SRRM4: variants seen among roughly 807,000 people sequenced by gnomAD.
The protein encoded by SRRM4 is serine/arginine repetitive matrix protein 4.
In SRRM4, 33 loss-of-function variants were observed where a neutral mutation model predicts 68.9. The ratio of observed to expected loss-of-function variants is 0.48; its 90% confidence interval spans 0.36 to 0.64. SRRM4 has a LOEUF of 0.64. Ranked by LOEUF, SRRM4 falls within the 30% of genes least tolerant of loss-of-function variation. The pLI is 0.00. For missense variants in SRRM4, 817 were observed against 827.1 expected, an observed-to-expected ratio of 0.99 and a Z score of 0.15; for synonymous variants, 318 against 318.8, an observed-to-expected ratio of 1.00 and a Z score of 0.03.
chr12:119,103,776 G>A (rs1954090761), intron 2 of SRRM4, among the ~76,000 whole-genome samples: 1 of 152,198 alleles, frequency 6.6e-6, no homozygotes, highest in Non-Finnish European at 1.5e-5. Flanking sequence ...GCCGAGGTGG[G>A]AGGATCACTT....
At chr12:119,075,398 A>G (rs1953901702) in intron 1 of SRRM4, among the ~76,000 whole-genome samples, 1 of 151,704 alleles carries the variant, frequency 6.6e-6, no homozygotes, top group African/African-American at 2.4e-5. Flanking sequence ...GATGATGATG[A>G]TGATGATAAT....
At position 118,981,692 on chromosome 12, in the gene SRRM4, G is replaced by C. The variant is rs1025806759; in HGVS notation, c.-191G>C. The stretch of plus-strand genomic sequence containing the variant: ...GAAGGGCGAAGAAAGCCCAGCGGAC[G>C]AGCCTCCTTTCTCTGCTGCCTGCCC... On this transcript the variant is annotated 5_prime_UTR_variant, in exon 1 of 13. Transcript: ENST00000267260. 1 of 613,174 alleles carries C rather than the reference G, an allele frequency of 1.6e-6. No individual in the cohort carries two copies. The highest frequency in any genetic ancestry group is 2.8e-6 in the Non-Finnish European group (1 of 360,490). The allele number at this position is 613,174 out of a possible 1,614,324, so 38.0% of individuals were successfully genotyped here.
intron 1 of SRRM4, among the ~76,000 whole-genome samples, chr12:119,068,992 G>A (rs753792604): frequency 3.9e-5 from 6 of 152,068 alleles, no homozygotes; most frequent in African/African-American, 7.2e-5. Context: ...TGCCTGTGTA[G>A]CTCCAGGGAA....
chr12:119,090,822 C>A (rs983321285), intron 1 of SRRM4, among the ~76,000 whole-genome samples: 7 of 152,142 alleles, frequency 4.6e-5, no homozygotes, highest in African/African-American at 1.7e-4. Flanking sequence ...TCTGATCTGG[C>A]AACAATGCAA....
At chr12:119,102,432 C>T (rs369480852) in intron 2 of SRRM4, 50 bp downstream of exon 2, 52 of 1,489,122 alleles carry the variant, frequency 3.5e-5, no homozygotes, top group Non-Finnish European at 4.4e-5. Flanking sequence ...ATAAAGTCTG[C>T]CTCTCTGGCC....
Position 119,153,612 on chromosome 12 carries a change from C to T in SRRM4, c.1354C>T (p.Arg452Cys). Residue 452 changes from arginine to cysteine, a missense_variant, in exon 11 of 13, where the codon CGC (arginine) becomes TGC (cysteine). By Grantham distance (180) the Arg-to-Cys change is radical (BLOSUM62 -3). Transcript: ENST00000267260. ...CCCGCCCAGCAGAAGCTCTAGGTCCCGCCGCAGCCCTAGCTACTCCCGCTA... is the reference window on the plus strand; with the variant it reads ...CCCGCCCAGCAGAAGCTCTAGGTCCTGCCGCAGCCCTAGCTACTCCCGCTA... ...RSPPSRSSRS[R>C]RSPSYSRYSP... The T allele has an allele frequency of 6.4e-7, 1 of 1,567,742 alleles. No individual in the cohort carries two copies. Among genetic ancestry groups the T allele is most frequent in the Non-Finnish European group, 8.6e-7 (1 of 1,157,550 alleles).
intron 1 of SRRM4, among the ~76,000 whole-genome samples, chr12:118,984,154 G>A (rs1394796428): frequency 1.3e-5 from 2 of 152,206 alleles, no homozygotes; most frequent in African/African-American, 4.8e-5. Context: ...CTCAGGAAAG[G>A]TTGGATTGGA....
At chr12:119,008,783 G>T (rs1953431074) in intron 1 of SRRM4, among the ~76,000 whole-genome samples, 1 of 152,038 alleles carries the variant, frequency 6.6e-6, no homozygotes, top group Non-Finnish European at 1.5e-5. Flanking sequence ...AGAGCCAACG[G>T]GCCGCCCCTT....
chr12:119,071,120 G>A (rs773073063), intron 1 of SRRM4, among the ~76,000 whole-genome samples: 1 of 152,190 alleles, frequency 6.6e-6, no homozygotes, highest in Non-Finnish European at 1.5e-5. Flanking sequence ...CACAAGCCTG[G>A]TAGCTTCTTT....
At chr12:119,049,555 G>A (rs542094337) in intron 1 of SRRM4, among the ~76,000 whole-genome samples, 3 of 152,308 alleles carry the variant, frequency 2.0e-5, no homozygotes, top group African/African-American at 7.2e-5. Context: ...GGGGCAGAGA[G>A]TAGCTTTAAG....
At chr12:119,065,800 CATGG>C (rs547539453) in intron 1 of SRRM4, among the ~76,000 whole-genome samples, 4 of 151,628 alleles carry the variant, frequency 2.6e-5, no homozygotes, top group South Asian at 2.1e-4. Context: ...TGAATGGATG[CATGG>C]ATGGATGGAT....
intron 8 of SRRM4, among the ~76,000 whole-genome samples, chr12:119,140,649 T>A (rs780645823): frequency 3.9e-5 from 6 of 152,180 alleles, no homozygotes; most frequent in Non-Finnish European, 5.9e-5. Context: ...TGAGCTCCCA[T>A]AGTAGCAGAG....
chr12:119,106,941 T>C (rs1035556836), intron 2 of SRRM4, among the ~76,000 whole-genome samples: 8 of 152,232 alleles, frequency 5.3e-5, no homozygotes, highest in Non-Finnish European at 1.2e-4. Context: ...ATATTGGCTG[T>C]GGGTTTGTCA....
chr12:119,096,266 C>A (rs1954044149), intron 1 of SRRM4, among the ~76,000 whole-genome samples: 1 of 151,302 alleles, frequency 6.6e-6, no homozygotes. Context: ...TCTTCCTGAC[C>A]TCGTAATCCG....
intron 1 of SRRM4, among the ~76,000 whole-genome samples, chr12:119,067,738 A>G (rs531760756): frequency 4.4e-4 from 67 of 152,240 alleles, no homozygotes; most frequent in Middle Eastern, 3.4e-3. Context: ...AAATAAAAAT[A>G]AAAATAAGAG....
At chr12:119,092,259 A>G (rs1459660266) in intron 1 of SRRM4, among the ~76,000 whole-genome samples, 1 of 152,142 alleles carries the variant, frequency 6.6e-6, no homozygotes, top group Non-Finnish European at 1.5e-5. Flanking sequence ...CAGAAGATCC[A>G]GTCTCCTGGC....
At chr12:119,153,941 A>G (rs1954455767) in intron 11 of SRRM4, among the ~76,000 whole-genome samples, 1 of 151,238 alleles carries the variant, frequency 6.6e-6, no homozygotes, top group Admixed American at 6.6e-5. Context: ...GTTCTTACCC[A>G]CGCACCAGGG....
At chr12:119,135,962 C>T (rs988675295) in intron 8 of SRRM4, among the ~76,000 whole-genome samples, 4 of 152,072 alleles carry the variant, frequency 2.6e-5, no homozygotes, top group African/African-American at 9.7e-5. Context: ...ATAAGGTATC[C>T]ATTCATTTCA....
chr12:119,155,863 G>GTAT (rs1279995542), intron 12 of SRRM4, among the ~76,000 whole-genome samples: 1 of 152,198 alleles, frequency 6.6e-6, no homozygotes, highest in African/African-American at 2.4e-5. Context: ...GAAGTTGTTG[G>GTAT]TATTATTATT....
Sources: allele counts gnomAD v4.1 joint callset (sites outside exome capture counted in the v4.1 genomes callset), GRCh38; gene constraint gnomAD v4.1.1; transcripts MANE v1.5; gene names NCBI Gene and HGNC (gene_info 2026-07-23, HGNC 2026-07-21).